The following POLR2J variants were observed in gnomAD, a reference collection of about 807,000 sequenced individuals.
The protein encoded by POLR2J is RNA polymerase II subunit J, also known as DNA-directed RNA polymerase II subunit RPB11-a.
In POLR2J, 12 loss-of-function variants were observed where a neutral mutation model predicts 13.4. The observed-to-expected ratio is 0.90, with a 90% CI of 0.57 to 1.45. The LOEUF (loss-of-function observed/expected upper bound fraction) is 1.45. Ranked by LOEUF, POLR2J falls within the 40% of genes most tolerant of loss-of-function variation. POLR2J has a pLI of 0.00. For missense variants in POLR2J, 58 were observed against 132.0 expected (o/e 0.44, Z 2.75); for synonymous variants, 31 against 53.6 (o/e 0.58, Z 1.84).
At position 102,473,674 on chromosome 7, in the gene POLR2J, T is replaced by G. The variant is rs763049653; in HGVS notation, c.329A>C (p.Lys110Thr). The G allele has an allele frequency of 6.2e-7, 1 of 1,613,760 alleles. No homozygotes were observed. The highest frequency in any genetic ancestry group is 2.2e-5 in the East Asian group (1 of 44,842). ...LLEERFRVAI[K>T]DKQEGIE ...CTACTCAATTCCTTCCTGCTTGTCT[T>G]TTATGGCCACCTGGGAGAGAAGAAG... Residue 110 changes from lysine (K) to threonine (T), a missense_variant, in exon 4 of 4, where the codon AAA becomes ACA. Lys to Thr is a moderately conservative substitution (Grantham distance 78). Around this residue, in one of 4 missense-constraint regions of POLR2J, gnomAD observed 18 missense variants for 16.0 expected, o/e 1.12. Transcript: ENST00000292614.
At chr7:102,476,797 T>TC (rs1012318126) in intron 1 of POLR2J, among the ~76,000 whole-genome samples, 1 of 101,218 alleles carries the variant, frequency 9.9e-6, no homozygotes, top group African/African-American at 3.5e-5. Context: ...CTTTTTTTTT[T>TC]CCGGTAGAGA....
chr7:102,473,401 C>T lies in POLR2J; in HGVS notation c.*248G>A. 2 of 606,180 alleles carry T rather than the reference C, an allele frequency of 3.3e-6. No individual in the cohort carries two copies. The highest frequency in any genetic ancestry group is 4.7e-5 in the South Asian group (2 of 42,894). The allele number at this position is 606,180 out of a possible 1,614,324, so 37.6% of individuals were successfully genotyped here. The stretch of plus-strand genomic sequence containing the variant: ...CCTGAAACAGGTCATCTGCCTGCAT[C>T]AAGCCTGACAATCCATTTGCTTGCG... On this transcript the variant is annotated 3_prime_UTR_variant, in exon 4 of 4. Transcript: ENST00000292614.
chr7:102,473,770 G>GGCCCTTCCTGGAGGGCA (rs1205595755), intron 3 of POLR2J, 86 bp from the exon 4 acceptor site: 1 of 1,578,232 alleles, frequency 6.3e-7, no homozygotes, highest in Non-Finnish European at 8.6e-7. Context: ...CCCCCCGCCA[G>GGCCCTTCCTGGAGGGCA]GCCCTTCCTG....
Position 102,473,373 on chromosome 7 carries a change from GC to G in POLR2J, c.*275del. 1.7e-6 allele frequency: 1 copy of G among 574,764 alleles called. No individual in the cohort carries two copies. Among genetic ancestry groups the G allele is most frequent in the Non-Finnish European group, 3.0e-6 (1 of 336,314 alleles). The allele number at this position is 574,764 out of a possible 1,614,324, so 35.6% of individuals were successfully genotyped here. On this transcript the variant is annotated 3_prime_UTR_variant, in exon 4 of 4. Transcript: ENST00000292614. ...ATGAATTCATCCCTGCCAGCCGGACGCCCCTGAAACAGGTCATCTGCCTGCA... is the reference window on the plus strand; with the variant it reads ...ATGAATTCATCCCTGCCAGCCGGACGCCCTGAAACAGGTCATCTGCCTGCA...
intron 2 of POLR2J, among the ~76,000 whole-genome samples, chr7:102,475,694 G>A (rs1798409349): frequency 6.6e-6 from 1 of 152,258 alleles, no homozygotes; most frequent in Non-Finnish European, 1.5e-5. Context: ...GAAGCCGGCA[G>A]GTGGATCACC....
At chr7:102,474,068 G>A (rs1285831879) in intron 3 of POLR2J, 2 of 1,407,832 alleles carry the variant, frequency 1.4e-6, no homozygotes, top group Non-Finnish European at 1.9e-6. Context: ...ACCAACAAGG[G>A]ACGTAGAAGA....
At chr7:102,474,105 G>T in intron 3 of POLR2J, 1 of 1,476,638 alleles carries the variant, frequency 6.8e-7, no homozygotes. Flanking sequence ...GTAGGTCCCC[G>T]CCCCGATCTG....
Position 102,473,688 on chromosome 7 carries a change from G to A in POLR2J, c.319-4C>T. 6.2e-7 allele frequency: 1 copy of A among 1,613,866 alleles called. No individual in the cohort carries two copies. The highest frequency in any genetic ancestry group is 8.5e-7 in the Non-Finnish European group (1 of 1,179,896). On this transcript the variant is annotated splice_region_variant and splice_polypyrimidine_tract_variant and intron_variant, in intron 3 of 3. Transcript: ENST00000292614. ...CCTGCTTGTCTTTTATGGCCACCTG[G>A]GAGAGAAGAAGGTGGTGGAGACTGA...
At chr7:102,473,860 C>T in intron 3 of POLR2J, 176 bp from the exon 4 acceptor site, 1 of 1,444,036 alleles carries the variant, frequency 6.9e-7, no homozygotes, top group Non-Finnish European at 9.1e-7. Context: ...CAGCCATTCT[C>T]TATGGCAGCC....
chr7:102,477,756 G>A lies in POLR2J; in HGVS notation c.53+1052C>T, dbSNP rs1177843195. ...CAACCTGGGAACAATAAGAGCCAAT[G>A]GTTACGAGGTTTTCCAGGGGCTGAG... On this transcript the variant is annotated intron_variant, in intron 1 of 3. Transcript: ENST00000292614. 5.7e-5 allele frequency among the ~76,000 whole-genome samples: 2 copies of A among 35,378 alleles called. 1 individual carries two copies. The highest frequency in any genetic ancestry group is 1.7e-4 in the Non-Finnish European group (2 of 11,962). 23.2% of individuals were successfully genotyped at this position (35,378 alleles called of 152,430 possible).
chr7:102,473,835 C>T lies in POLR2J; in HGVS notation c.319-151G>A, dbSNP rs1798323347. 41 of 1,456,188 alleles carry T rather than the reference C, an allele frequency of 2.8e-5. No homozygotes were observed. In the South Asian group the frequency reaches 5.4e-4, roughly 19 times the overall value. 90.2% of individuals were successfully genotyped at this position (1,456,188 alleles called of 1,614,324 possible). On this transcript the variant is annotated intron_variant, in intron 3 of 3. Transcript: ENST00000292614. ...ACAGTGGAGCAGCCAAAGGGCCCTCCCAGCTGGCCCAATCCAGCCATTCTC... is the reference window on the plus strand; with the variant it reads ...ACAGTGGAGCAGCCAAAGGGCCCTCTCAGCTGGCCCAATCCAGCCATTCTC...
At chr7:102,476,017 C>T (rs564616003) in intron 2 of POLR2J, among the ~76,000 whole-genome samples, 164 bp downstream of exon 2, 149 of 132,318 alleles carry the variant, frequency 1.1e-3, no homozygotes, top group Admixed American at 0.011. Context: ...ACATGGAGGT[C>T]GGTGTCATTT....
chr7:102,473,203 A>G lies in POLR2J; in HGVS notation c.*446T>C, dbSNP rs1798281121. 1 of 908,230 alleles carries G rather than the reference A, an allele frequency of 1.1e-6. No homozygotes were observed. The highest frequency in any genetic ancestry group is 1.6e-6 in the Non-Finnish European group (1 of 618,334). 56.3% of individuals were successfully genotyped at this position (908,230 alleles called of 1,614,324 possible). A position where few individuals can be genotyped will look rare whatever the true frequency, so the allele number is the denominator to read the frequency against. On this transcript the variant is annotated 3_prime_UTR_variant, in exon 4 of 4. Coordinates refer to ENST00000292614, the MANE Select transcript of POLR2J (RefSeq NM_006234.6). ...AAGGTGTTTCGAGTTATGCAGGAAG[A>G]AGTGTTCCTGCTTTGACTGACAGGC...
chr7:102,473,366 G>A lies in POLR2J; in HGVS notation c.*283C>T. ...GTCCAGAATGAATTCATCCCTGCCA[G>A]CCGGACGCCCCTGAAACAGGTCATC... On this transcript the variant is annotated 3_prime_UTR_variant, in exon 4 of 4. Transcript: ENST00000292614. 3.5e-6 allele frequency: 2 copies of A among 574,722 alleles called. No individual in the cohort carries two copies. Among genetic ancestry groups the A allele is most frequent in the Admixed American group, 3.3e-5 (1 of 30,418 alleles). The allele number at this position is 574,722 out of a possible 1,614,324, so 35.6% of individuals were successfully genotyped here.
chr7:102,473,357 TCCCTGCCAGCCGGACGC>T lies in POLR2J; in HGVS notation c.*275_*291del. 1.8e-6 allele frequency: 1 copy of T among 558,560 alleles called. No homozygotes were observed. The highest frequency in any genetic ancestry group is 2.5e-5 in the South Asian group (1 of 39,640). 34.6% of individuals were successfully genotyped at this position (558,560 alleles called of 1,614,324 possible). A position where few individuals can be genotyped will look rare whatever the true frequency, so the allele number is the denominator to read the frequency against. On this transcript the variant is annotated 3_prime_UTR_variant, in exon 4 of 4. Transcript: ENST00000292614. Reference sequence around the variant, plus strand: ...GGATCTTTGGTCCAGAATGAATTCATCCCTGCCAGCCGGACGCCCCTGAAACAGGTCATCTGCCTGCA... The same window carrying T: ...GGATCTTTGGTCCAGAATGAATTCATCCCTGAAACAGGTCATCTGCCTGCA...
chr7:102,473,884 G>C (rs1798325743), intron 3 of POLR2J, 200 bp from the exon 4 acceptor site: 2 of 1,439,768 alleles, frequency 1.4e-6, no homozygotes, highest in Admixed American at 2.9e-5. Flanking sequence ...GCAGGAGTCA[G>C]AGGCCCCAGA....
chr7:102,474,252 C>A (rs1311365218), intron 3 of POLR2J, 109 bp downstream of exon 3: 2 of 1,603,046 alleles, frequency 1.2e-6, no homozygotes, highest in Non-Finnish European at 1.7e-6. Context: ...TCCATCACTG[C>A]CGCCTCTCCC....
chr7:102,474,234 C>A (rs1798343779), intron 3 of POLR2J, 127 bp downstream of exon 3: 1 of 1,583,480 alleles, frequency 6.3e-7, no homozygotes, highest in Non-Finnish European at 8.6e-7. Context: ...GGTGGAAGTC[C>A]CTGCTCTTCC....
intron 2 of POLR2J, among the ~76,000 whole-genome samples, chr7:102,475,473 CACAT>C (rs1798401220): frequency 6.6e-6 from 1 of 152,174 alleles, no homozygotes; most frequent in African/African-American, 2.4e-5. Context: ...TAGTCTCTGC[CACAT>C]ACATCTTAGA....
Sources: allele counts gnomAD v4.1 joint callset (sites outside exome capture counted in the v4.1 genomes callset), GRCh38; gene constraint gnomAD v4.1.1; regional missense constraint gnomAD v4.1.1; transcripts MANE v1.5; gene names NCBI Gene and HGNC (gene_info 2026-07-23, HGNC 2026-07-21).